Variants in MYO9B observed in about 807,000 individuals in gnomAD.
The protein encoded by MYO9B is myosin IXB, also known as unconventional myosin-IXb.
Under a neutral mutation model 229.5 loss-of-function variants are expected in MYO9B, and 71 were observed. The observed-to-expected ratio is 0.31, with a 90% CI of 0.26 to 0.38. The LOEUF (loss-of-function observed/expected upper bound fraction) is 0.38, where lower values mean the gene tolerates loss of function less well. MYO9B is among the 10% of genes least tolerant of loss of function. The probability of loss-of-function intolerance (pLI) is 1.00; values close to 1 mark genes in which losing one functional copy is unlikely to be tolerated. For synonymous variants in MYO9B, 1,185 were observed against 1,235.8 expected (o/e 0.96, Z 0.86); for missense variants, 2,255 against 2,920.5 (o/e 0.77, Z 5.25).
At chr19:17,205,720 C>A (rs571832250) in intron 31 of MYO9B, among the ~76,000 whole-genome samples, 5 of 152,132 alleles carry the variant, frequency 3.3e-5, no homozygotes, top group Non-Finnish European at 7.4e-5. Flanking sequence ...TCTCTCCCCA[C>A]GAAGGACCAC....
intron 13 of MYO9B, 44 bp downstream of exon 13, chr19:17,173,007 G>T (rs112438822): frequency 1.3e-6 from 2 of 1,582,224 alleles, no homozygotes; most frequent in East Asian, 2.2e-5. Flanking sequence ...ACTGTCGAGA[G>T]GGGGGCACAT....
At chr19:17,182,198 AC>A (rs1458091272) in intron 15 of MYO9B, among the ~76,000 whole-genome samples, 3 of 151,674 alleles carry the variant, frequency 2.0e-5, no homozygotes, top group African/African-American at 7.3e-5. Context: ...TCCTGCCTCA[AC>A]CTCCAGAGTA....
chr19:17,083,704 T>G (rs1029723371), intron 1 of MYO9B, among the ~76,000 whole-genome samples: 1 of 149,462 alleles, frequency 6.7e-6, no homozygotes, highest in Admixed American at 6.8e-5. Flanking sequence ...TGGAGTGCAA[T>G]GGCACGGCCT....
chr19:17,092,345 G>T (rs187279256), intron 1 of MYO9B, among the ~76,000 whole-genome samples: 10 of 152,374 alleles, frequency 6.6e-5, no homozygotes, highest in Admixed American at 3.3e-4. Context: ...CCCAGGCCTC[G>T]CTGTGTGCAC....
At chr19:17,187,265 CCT>C (rs1183482477) in intron 18 of MYO9B, among the ~76,000 whole-genome samples, 2 of 152,252 alleles carry the variant, frequency 1.3e-5, no homozygotes, top group Non-Finnish European at 2.9e-5. Context: ...CCCAGCATCT[CCT>C]CTCTCCTGGG....
rs921757206 is a variant in MYO9B, at chr19:17,173,408, G to A, written c.2140+445G>A. ...CAACCTCTGCCTCTTGGGTTCAAGC[G>A]ATTCTCCTGCTTCACCCTCCCAAGT... On this transcript the variant is annotated intron_variant, in intron 13 of 39. Transcript: ENST00000682292. 6.7e-5 allele frequency among the ~76,000 whole-genome samples: 10 copies of A among 150,364 alleles called. No individual in the cohort carries two copies. In the South Asian group the frequency reaches 8.5e-4, roughly 13 times the overall value.
Position 17,183,844 on chromosome 19 carries a change from C to A in MYO9B, c.2349C>A (p.Ile783=). The A allele has an allele frequency of 6.4e-7, 1 of 1,573,404 alleles. No individual in the cohort carries two copies. ...PRAFILKSKG[I]KQKQIIPKNL... is the part of the protein sequence containing the mutation. ...ATTTTGACAGGAAAAGTAAAGGTAT[C>A]AAACAAAAGCAGATCATTCCAAAGG... The change falls in exon 16 of 40, where the codon ATC becomes ATA. Residue 783 remains isoleucine, a synonymous_variant. Transcript: ENST00000682292.
In MYO9B at chr19:17,194,587, G is replaced by C. The variant is rs775401872; in HGVS notation, c.3160G>C (p.Ala1054Pro). ...FSQMISEKQK[A>P]EEKEREALEA... ...CCAGATGATCTCGGAGAAGCAGAAGGCAGAAGAGAAGGAGAGGGAAGCCCT... is the reference window on the plus strand; with the variant it reads ...CCAGATGATCTCGGAGAAGCAGAAGCCAGAAGAGAAGGAGAGGGAAGCCCT... The change falls in exon 22 of 40, where the codon GCA becomes CCA. Residue 1054 changes from alanine (A) to proline (P), a missense_variant. Physicochemically the swap from Ala to Pro is conservative, Grantham distance 27 (BLOSUM62 -1). Transcript: ENST00000682292. The C allele has an allele frequency of 1.2e-6, 2 of 1,612,838 alleles. No homozygotes were observed. Among genetic ancestry groups the C allele is most frequent in the Admixed American group, 3.3e-5 (2 of 60,000 alleles).
chr19:17,185,413 G>A (rs901359504), intron 17 of MYO9B, among the ~76,000 whole-genome samples: 1 of 151,396 alleles, frequency 6.6e-6, no homozygotes, highest in Non-Finnish European at 1.5e-5. Context: ...GCTGGGCATG[G>A]TGGGCACCTG....
At chr19:17,181,109 G>A (rs2072855717) in intron 15 of MYO9B, 69 bp downstream of exon 15, 6 of 1,100,404 alleles carry the variant, frequency 5.5e-6, no homozygotes, top group Admixed American at 4.5e-5. Context: ...CGACCCCGGC[G>A]GGGCCTGCAG....
chr19:17,211,011 G>A (rs1477159424), intron 38 of MYO9B, among the ~76,000 whole-genome samples, 163 bp downstream of exon 38: 3 of 131,720 alleles, frequency 2.3e-5, no homozygotes, highest in African/African-American at 5.8e-5. Flanking sequence ...TTGAGACGGC[G>A]TCTCGCTCTG....
intron 20 of MYO9B, 121 bp from the exon 21 acceptor site, chr19:17,192,621 TAAAG>T: frequency 1.8e-6 from 1 of 569,014 alleles, no homozygotes; most frequent in Non-Finnish European, 2.7e-6. Context: ...AATAAATAAA[TAAAG>T]CCCTGGTTGG....
intron 2 of MYO9B, among the ~76,000 whole-genome samples, chr19:17,117,260 A>G (rs1052284917): frequency 6.6e-6 from 1 of 152,142 alleles, no homozygotes; most frequent in Non-Finnish European, 1.5e-5. Context: ...TTTCCTAGTG[A>G]TTATCCAGGA....
In MYO9B at chr19:17,210,359, G is replaced by C. The variant is rs748256092; in HGVS notation, c.5775G>C (p.Ser1925=). 1.3e-6 allele frequency: 2 copies of C among 1,598,568 alleles called. No homozygotes were observed. The highest frequency in any genetic ancestry group is 2.3e-5 in the South Asian group (2 of 88,180). ...NAPWPLKLGF[S]SPYEGVLNKS... ...CATGGCCTCTCAAACTGGGGTTTTC[G>C]TCTCCCTATGAGGGGGTCCTGGTAT... The change falls in exon 37 of 40, where the codon TCG becomes TCC. Residue 1925 remains serine, a synonymous_variant. Transcript: ENST00000682292.
chr19:17,208,943 A>G (rs116559078), intron 35 of MYO9B, among the ~76,000 whole-genome samples: 7 of 143,812 alleles, frequency 4.9e-5, no homozygotes, highest in Admixed American at 1.4e-4. Context: ...TCTGGTACTG[A>G]CCACTCAGGG....
chr19:17,141,184 C>A (rs2072334568), intron 2 of MYO9B, among the ~76,000 whole-genome samples: 1 of 152,002 alleles, frequency 6.6e-6, no homozygotes, highest in Non-Finnish European at 1.5e-5. Context: ...TGGAATGAGG[C>A]CTTCAGGAAG....
At position 17,185,001 on chromosome 19, in the gene MYO9B, G is replaced by A. The variant is rs751473082; in HGVS notation, c.2496+14G>A. The A allele has an allele frequency of 1.2e-6, 2 of 1,613,798 alleles. No homozygotes were observed. Among genetic ancestry groups the A allele is most frequent in the South Asian group, 1.1e-5 (1 of 91,072 alleles). ...GCCCAGTTCCAGGTAGGTGGAGCAGGAGAGGCAGAAGGTGGCGGTCAGCTC... is the reference window on the plus strand; with the variant it reads ...GCCCAGTTCCAGGTAGGTGGAGCAGAAGAGGCAGAAGGTGGCGGTCAGCTC... On this transcript the variant is annotated intron_variant, in intron 17 of 39. Transcript: ENST00000682292.
intron 2 of MYO9B, among the ~76,000 whole-genome samples, chr19:17,104,889 A>G (rs554759477): frequency 1.3e-5 from 2 of 151,986 alleles, no homozygotes; most frequent in African/African-American, 4.8e-5. Flanking sequence ...GTTGCACCTG[A>G]CTCAACTCTA....
intron 2 of MYO9B, among the ~76,000 whole-genome samples, chr19:17,121,484 G>A (rs2057965056): frequency 6.9e-6 from 1 of 145,224 alleles, no homozygotes; most frequent in African/African-American, 2.6e-5. Context: ...GCCGCCACAG[G>A]ATGACGGGTT....
Sources: gnomAD v4.1 joint callset for allele counts (sites outside exome capture counted in the v4.1 genomes callset) on GRCh38, gnomAD v4.1.1 for gene constraint, MANE v1.5 for transcripts, NCBI Gene and HGNC (gene_info 2026-07-23, HGNC 2026-07-21) for gene names.